WASHC2C: variants seen among roughly 807,000 people sequenced by gnomAD.
The protein encoded by WASHC2C is Vaccinia Penetration Factor.
In WASHC2C, 73 loss-of-function variants were observed where a neutral mutation model predicts 142.2. That is an observed-to-expected ratio of 0.51 (90% CI 0.43 to 0.62). The LOEUF is 0.62. WASHC2C is among the 20% of genes least tolerant of loss of function. WASHC2C has a pLI of 0.00. For missense variants in WASHC2C, 969 were observed against 1,531.7 expected, an observed-to-expected ratio of 0.63 and a Z score of 6.13; for synonymous variants, 337 against 565.5, an observed-to-expected ratio of 0.60 and a Z score of 5.73.
intron 19 of WASHC2C, among the ~76,000 whole-genome samples, chr10:45,766,038 T>C (rs1554882244): frequency 1.3e-5 from 2 of 152,246 alleles, no homozygotes; most frequent in African/African-American, 4.8e-5. Flanking sequence ...CACAATAGTG[T>C]ATGCTCCTTC....
At chr10:45,738,122 C>T in intron 4 of WASHC2C, 77 bp downstream of exon 4, 1 of 1,596,366 alleles carries the variant, frequency 6.3e-7, no homozygotes. Flanking sequence ...TATGTGGGAA[C>T]TGGGGGATGG....
intron 16 of WASHC2C, among the ~76,000 whole-genome samples, chr10:45,757,867 C>T (rs1279590205): frequency 6.6e-6 from 1 of 152,266 alleles, no homozygotes; most frequent in African/African-American, 2.4e-5. Context: ...CTCACCTCAC[C>T]TCCTGCTGTG....
intron 2 of WASHC2C, among the ~76,000 whole-genome samples, chr10:45,727,754 C>T (rs543572260): frequency 4.6e-5 from 7 of 152,018 alleles, no homozygotes; most frequent in Non-Finnish European, 1.0e-4. Context: ...CGCGACGTTC[C>T]CTTCATGGGG....
chr10:45,787,796 G>A (rs2135781432), intron 28 of WASHC2C, among the ~76,000 whole-genome samples: 1 of 152,278 alleles, frequency 6.6e-6, no homozygotes, highest in East Asian at 1.9e-4. Context: ...GCCCCTCTCT[G>A]TCCACAGCTG....
At position 45,792,828 on chromosome 10, in the gene WASHC2C, G is replaced by A; in HGVS notation, c.*428G>A. 2.1e-6 allele frequency: 1 copy of A among 474,900 alleles called. No homozygotes were observed. The highest frequency in any genetic ancestry group is 2.3e-5 in the Admixed American group (1 of 42,724). The allele number at this position is 474,900 out of a possible 1,614,324, so 29.4% of individuals were successfully genotyped here. A position where few individuals can be genotyped will look rare whatever the true frequency, so the allele number is the denominator to read the frequency against. ...AAGAAGATGAGAGATTATACTTCAT[G>A]AGTCTTAGCAATATGGGAGCAGGTT... On this transcript the variant is annotated 3_prime_UTR_variant, in exon 31 of 31. Transcript: ENST00000623400.
At position 45,789,073 on chromosome 10, in the gene WASHC2C, C is replaced by T; in HGVS notation, c.3290C>T (p.Ala1097Val). 6.2e-7 allele frequency: 1 copy of T among 1,612,048 alleles called. No homozygotes were observed. The highest frequency in any genetic ancestry group is 1.1e-5 in the South Asian group (1 of 90,992). Residue 1097 changes from alanine to valine, a missense_variant, in exon 29 of 31, where the codon GCA becomes GTA. Transcript: ENST00000623400. ...GAAGACAGCACTGAGGAGGCCCTGGCAGCTGCCGCTGCACCTTGGGAAGGT... is the reference window on the plus strand; with the variant it reads ...GAAGACAGCACTGAGGAGGCCCTGGTAGCTGCCGCTGCACCTTGGGAAGGT... ...SGEDSTEEAL[A>V]AAAAPWEGGP...
intron 11 of WASHC2C, among the ~76,000 whole-genome samples, chr10:45,751,858 T>C (rs2053633628): frequency 6.6e-6 from 1 of 151,996 alleles, no homozygotes; most frequent in South Asian, 2.1e-4. Context: ...GTGCCTGTTG[T>C]CCCAGCTACT....
chr10:45,788,157 C>T (rs1222690779), intron 28 of WASHC2C, among the ~76,000 whole-genome samples: 3 of 152,046 alleles, frequency 2.0e-5, no homozygotes, highest in African/African-American at 7.3e-5. Context: ...GTGACATTCC[C>T]CTGAAGTTGA....
chr10:45,784,295 TATATATATATATATATACACACAC>T (rs2057846803), intron 23 of WASHC2C, among the ~76,000 whole-genome samples: 1 of 44,468 alleles, frequency 2.2e-5, no homozygotes, highest in African/African-American at 7.7e-5. Flanking sequence ...TATATACACA[TATATATATATATATATACACACAC>T]ATATATATAT....
At chr10:45,783,456 T>G (rs1204934106) in intron 23 of WASHC2C, among the ~76,000 whole-genome samples, 1 of 152,134 alleles carries the variant, frequency 6.6e-6, no homozygotes, top group African/African-American at 2.4e-5. Flanking sequence ...TTTTTGGTTT[T>G]TTTGTTTTGT....
chr10:45,758,646 T>G (rs2054639269), intron 16 of WASHC2C, among the ~76,000 whole-genome samples: 1 of 150,960 alleles, frequency 6.6e-6, no homozygotes, highest in African/African-American at 2.4e-5. Flanking sequence ...CTTGCTCTGT[T>G]GCCCAGGCTG....
chr10:45,758,343 T>A (rs2596976), intron 16 of WASHC2C, among the ~76,000 whole-genome samples: 2 of 149,788 alleles, frequency 1.3e-5, no homozygotes, highest in African/African-American at 4.9e-5. Flanking sequence ...ATCTCTAAAG[T>A]GATAGTTGAA....
chr10:45,731,743 TA>T (rs1284906573), intron 3 of WASHC2C, among the ~76,000 whole-genome samples: 1 of 151,392 alleles, frequency 6.6e-6, no homozygotes, highest in Non-Finnish European at 1.5e-5. Flanking sequence ...TAATGCATAA[TA>T]AAACTCTGAA....
chr10:45,763,765 G>A (rs1382913575), intron 18 of WASHC2C, among the ~76,000 whole-genome samples: 1 of 150,900 alleles, frequency 6.6e-6, no homozygotes, highest in Non-Finnish European at 1.5e-5. Context: ...AGGCTGGAGT[G>A]CAGTGATGCG....
intron 6 of WASHC2C, among the ~76,000 whole-genome samples, chr10:45,744,545 C>T (rs2052566250): frequency 6.6e-6 from 1 of 151,836 alleles, no homozygotes; most frequent in African/African-American, 2.4e-5. Flanking sequence ...GATGCCATTT[C>T]TCAGCCTTTC....
intron 3 of WASHC2C, among the ~76,000 whole-genome samples, chr10:45,729,986 G>T (rs1481678285): frequency 2.7e-5 from 4 of 150,766 alleles, no homozygotes; most frequent in Admixed American, 6.7e-5. Context: ...ATTAATAAAG[G>T]TGTTAGAGAT....
At chr10:45,752,362 A>G (rs532635196) in intron 11 of WASHC2C, among the ~76,000 whole-genome samples, 8,623 of 109,790 alleles carry the variant, frequency 0.079, no homozygotes, top group Middle Eastern at 0.16. Flanking sequence ...GCTGTGTGCC[A>G]CAGACGTGGA....
At chr10:45,772,841 T>G (rs1318845878) in intron 20 of WASHC2C, among the ~76,000 whole-genome samples, 10 of 152,246 alleles carry the variant, frequency 6.6e-5, no homozygotes, top group Non-Finnish European at 1.5e-4. Context: ...TTCCCAGTGC[T>G]AATCCTGGCC....
At chr10:45,751,706 G>A (rs1284218327) in intron 11 of WASHC2C, among the ~76,000 whole-genome samples, 153 bp downstream of exon 11, 5 of 152,168 alleles carry the variant, frequency 3.3e-5, no homozygotes, top group East Asian at 1.9e-4. Context: ...GGCTGGACGC[G>A]GTGGCTCACA....
Sources: gnomAD v4.1 joint callset for allele counts (sites outside exome capture counted in the v4.1 genomes callset) on GRCh38, gnomAD v4.1.1 for gene constraint, MANE v1.5 for transcripts, NCBI Gene and HGNC (gene_info 2026-07-23, HGNC 2026-07-21) for gene names.